Variants in POLN observed in about 807,000 individuals in gnomAD.
The protein encoded by POLN is DNA polymerase nu.
POLN carries 108 observed loss-of-function variants against 113.5 expected under a neutral mutation model. The ratio of observed to expected loss-of-function variants is 0.95; its 90% CI spans 0.81 to 1.12. The LOEUF (loss-of-function observed/expected upper bound fraction) is 1.12. Among genes scored for constraint, POLN ranks in the 50% most tolerant of loss-of-function variants. The probability of loss-of-function intolerance (pLI) is 0.00; values close to 1 mark genes in which losing one functional copy is unlikely to be tolerated. For synonymous variants in POLN, 386 were observed against 391.5 expected (o/e 0.99, Z 0.17); for missense variants, 1,097 against 1,077.1 (o/e 1.02, Z -0.26).
At chr4:2,081,068 C>T (rs778821610) in intron 22 of POLN, 32 bp from the exon 23 acceptor site, 5 of 1,613,038 alleles carry the variant, frequency 3.1e-6, no homozygotes, top group South Asian at 1.1e-5. Flanking sequence ...CTTGAGGTCC[C>T]ATGGCACACG....
chr4:2,084,388 C>G (rs966895724), intron 21 of POLN, among the ~76,000 whole-genome samples: 1 of 152,218 alleles, frequency 6.6e-6, no homozygotes, highest in Admixed American at 6.5e-5. Context: ...CTTGGGGCCT[C>G]TGCTGCGGCT....
Position 2,229,179 on chromosome 4 carries a change from G to T in POLN, c.53C>A (p.Ser18Tyr). ...VGFDLCNTPLSSVAQKIMSAM... is the reference protein window; with the variant it reads ...VGFDLCNTPLYSVAQKIMSAM... Reference sequence around the variant, plus strand: ...AGACATAATCTTCTGAGCAACACTGGAGAGCGGTGTATTACAGAGATCAAA... The same window carrying T: ...AGACATAATCTTCTGAGCAACACTGTAGAGCGGTGTATTACAGAGATCAAA... The change falls in exon 3 of 26, where the codon TCC (serine) becomes TAC (tyrosine). Residue 18 changes from serine (S) to tyrosine (Y), a missense_variant. By Grantham distance (144) the Ser-to-Tyr change is moderately radical. Transcript: ENST00000511885. 1 of 1,610,986 alleles carries T rather than the reference G, an allele frequency of 6.2e-7. No homozygotes were observed. Among genetic ancestry groups the T allele is most frequent in the African/African-American group, 1.3e-5 (1 of 74,944 alleles).
intron 16 of POLN, among the ~76,000 whole-genome samples, chr4:2,137,243 G>C (rs1321548153): frequency 1.3e-5 from 2 of 152,236 alleles, no homozygotes; most frequent in African/African-American, 4.8e-5. Context: ...TAAGTAACTT[G>C]CTAGAGTAAC....
chr4:2,171,820 A>G (rs1443210202), intron 11 of POLN, among the ~76,000 whole-genome samples: 1 of 152,136 alleles, frequency 6.6e-6, no homozygotes, highest in Non-Finnish European at 1.5e-5. Context: ...CTCATGGTGA[A>G]ATACCTAGGC....
chr4:2,095,794 A>G (rs1334268085), intron 20 of POLN, 57 bp downstream of exon 20: 1 of 1,484,114 alleles, frequency 6.7e-7, no homozygotes, highest in Non-Finnish European at 9.4e-7. Flanking sequence ...AAACACAGGC[A>G]CACAGCTGCC....
At chr4:2,170,848 C>T in intron 12 of POLN, 74 bp from the exon 13 acceptor site, 1 of 1,329,520 alleles carries the variant, frequency 7.5e-7, no homozygotes. Context: ...ATAGCAGAGC[C>T]CATGCCAACA....
intron 5 of POLN, among the ~76,000 whole-genome samples, chr4:2,207,080 G>T (rs1733864185): frequency 6.6e-6 from 1 of 152,198 alleles, no homozygotes; most frequent in Non-Finnish European, 1.5e-5. Context: ...AAAAGTGAAT[G>T]AATTAATGGC....
At chr4:2,147,644 T>TG (rs1732180960) in intron 16 of POLN, among the ~76,000 whole-genome samples, 2 of 58,794 alleles carry the variant, frequency 3.4e-5, no homozygotes, top group Non-Finnish European at 7.2e-5. Flanking sequence ...TTTTCTTTTC[T>TG]TTTTTTTTTT....
chr4:2,131,716 A>G (rs1731732185), intron 16 of POLN, among the ~76,000 whole-genome samples: 1 of 152,038 alleles, frequency 6.6e-6, no homozygotes, highest in African/African-American at 2.4e-5. Context: ...CCCCTCCCTC[A>G]CTGCTCCTGG....
At position 2,157,778 on chromosome 4, in the gene POLN, A is replaced by T. The variant is rs574781251; in HGVS notation, c.1665+80T>A. 51 of 792,696 alleles carry T rather than the reference A, an allele frequency of 6.4e-5. 4 individuals carry two copies. The South Asian group carries it at 1.3e-3, about 20-fold the overall frequency. 49.1% of individuals were successfully genotyped at this position (792,696 alleles called of 1,614,324 possible). ...TTAGACGATTTCATCATTTACTAAA[A>T]TTACAAAGGTTCTATATGTATCTGA... On this transcript the variant is annotated intron_variant, in intron 15 of 25. Transcript: ENST00000511885.
Position 2,201,661 on chromosome 4 carries a change from G to A in POLN, c.715-2944C>T, listed in dbSNP as rs180984788. ...AATCAAGGAAAACTTCCCTGGCCTT[G>A]CTAGAGACCTAGACATCCAAATACA... On this transcript the variant is annotated intron_variant, in intron 5 of 25. Transcript: ENST00000511885. Among the ~76,000 whole-genome samples the A allele has an allele frequency of 1.9e-4, 29 of 152,274 alleles. 1 individual carries two copies. The highest frequency in any genetic ancestry group is 6.7e-4 in the African/African-American group (28 of 41,548).
Position 2,081,731 on chromosome 4 carries a change from G to T in POLN, c.2210C>A (p.Ser737Tyr), listed in dbSNP as rs201998520. 9 of 1,613,992 alleles carry T rather than the reference G, an allele frequency of 5.6e-6. No homozygotes were observed. In the East Asian group the frequency reaches 2.0e-4, roughly 36 times the overall value. ...CAGGGGTCTCCTTCTGCCCATGATG[G>T]ACACCACACAGCCTGAGTCACACAG... ...AQCHQTGCVV[S>Y]IMGRRRPLPR... The change falls in exon 22 of 26, where the codon TCC (serine) becomes TAC (tyrosine). Residue 737 changes from serine (S) to tyrosine (Y), a missense_variant. Transcript: ENST00000511885.
chr4:2,091,816 T>C (rs575861788), intron 20 of POLN, among the ~76,000 whole-genome samples: 24 of 148,268 alleles, frequency 1.6e-4, no homozygotes, highest in African/African-American at 5.5e-4. Flanking sequence ...CGCTACAATT[T>C]GACGTTTAGC....
intron 16 of POLN, among the ~76,000 whole-genome samples, chr4:2,148,888 T>C (rs899722571): frequency 2.0e-5 from 3 of 152,098 alleles, no homozygotes; most frequent in African/African-American, 7.2e-5. Flanking sequence ...TATCAAACAA[T>C]GTGAGAAGAA....
At chr4:2,191,743 A>G (rs535038110) in intron 7 of POLN, among the ~76,000 whole-genome samples, 13 of 152,308 alleles carry the variant, frequency 8.5e-5, no homozygotes, top group African/African-American at 2.9e-4. Context: ...TAGTCATACA[A>G]TTGAAATATT....
chr4:2,083,839 G>A (rs997731916), intron 21 of POLN, among the ~76,000 whole-genome samples: 5 of 152,252 alleles, frequency 3.3e-5, no homozygotes, highest in Non-Finnish European at 2.9e-5. Context: ...GAGGAAGAGC[G>A]GTGGAGGCAG....
chr4:2,170,614 C>T, intron 13 of POLN, 65 bp downstream of exon 13: 2 of 1,423,586 alleles, frequency 1.4e-6, no homozygotes, highest in South Asian at 1.2e-5. Flanking sequence ...GTCTGAAGGT[C>T]AGCACACATG....
At chr4:2,238,966 A>C (rs201646038) in intron 2 of POLN, 1 of 1,587,384 alleles carries the variant, frequency 6.3e-7, no homozygotes, top group African/African-American at 1.4e-5. Flanking sequence ...CTTTTATTTG[A>C]GTGACCTCTT....
chr4:2,134,191 T>G (rs2108727573), intron 16 of POLN, among the ~76,000 whole-genome samples: 1 of 152,376 alleles, frequency 6.6e-6, no homozygotes, highest in Admixed American at 6.5e-5. Flanking sequence ...GCTTTGTAGC[T>G]TATTCCTTTT....
Sources: allele counts gnomAD v4.1 joint callset (sites outside exome capture counted in the v4.1 genomes callset), GRCh38; gene constraint gnomAD v4.1.1; transcripts MANE v1.5; gene names NCBI Gene and HGNC (gene_info 2026-07-23, HGNC 2026-07-21).